The following EFCAB6 variants were observed in gnomAD, a reference collection of about 807,000 sequenced individuals.
EFCAB6 encodes the protein EF-hand calcium-binding domain-containing protein 6.
A neutral mutation model predicts 169.8 loss-of-function variants in EFCAB6; 156 were observed. The ratio of observed to expected loss-of-function variants is 0.92; its 90% CI spans 0.81 to 1.05. EFCAB6 has a LOEUF of 1.05. Ranked by LOEUF, EFCAB6 falls within the 50% of genes least tolerant of loss-of-function variation. EFCAB6 has a pLI of 0.00. For missense variants in EFCAB6, 1,800 were observed against 1,829.1 expected, an observed-to-expected ratio of 0.98 and a Z score of 0.29; for synonymous variants, 698 against 676.4, an observed-to-expected ratio of 1.03 and a Z score of -0.50.
chr22:43,529,846 C>T (rs1289171508), intron 31 of EFCAB6, among the ~76,000 whole-genome samples: 1 of 152,258 alleles, frequency 6.6e-6, no homozygotes, highest in Non-Finnish European at 1.5e-5. Context: ...TCACCTTAAG[C>T]TGCTATTTTC....
intron 12 of EFCAB6, among the ~76,000 whole-genome samples, 166 bp from the exon 13 acceptor site, chr22:43,678,329 C>CTGTGCGTG: frequency 6.9e-6 from 1 of 144,262 alleles, no homozygotes; most frequent in South Asian, 2.3e-4. Context: ...AACATGAGCA[C>CTGTGCGTG]TGTGTGTGTG....
intron 17 of EFCAB6, among the ~76,000 whole-genome samples, chr22:43,641,301 C>T (rs935038815): frequency 1.3e-5 from 2 of 152,084 alleles, no homozygotes; most frequent in Admixed American, 6.5e-5. Context: ...TCAGCTATGG[C>T]GAGGAAGGAG....
Position 43,795,424 on chromosome 22 carries a change from C to T in EFCAB6, c.-7-13099G>A, listed in dbSNP as rs777975461. On this transcript the variant is annotated intron_variant, in intron 2 of 31. Coordinates refer to ENST00000262726, the MANE Select transcript of EFCAB6 (RefSeq NM_022785.4). The surrounding 1 kb of genome is among the most constrained non-coding windows in gnomAD (Gnocchi z 4.2). Reference sequence around the variant, plus strand: ...TGGCATGTTCTAGACATCATGCCTACCAGTGCCCACTAGGCAGGAGAGGAG... The same window carrying T: ...TGGCATGTTCTAGACATCATGCCTATCAGTGCCCACTAGGCAGGAGAGGAG... Among the ~76,000 whole-genome samples the T allele has an allele frequency of 2.0e-5, 3 of 152,122 alleles. No homozygotes were observed. Among genetic ancestry groups the T allele is most frequent in the Admixed American group, 1.3e-4 (2 of 15,272 alleles).
At chr22:43,681,606 AT>A (rs902669022) in intron 12 of EFCAB6, among the ~76,000 whole-genome samples, 11 of 152,060 alleles carry the variant, frequency 7.2e-5, no homozygotes, top group Non-Finnish European at 2.9e-5. Flanking sequence ...TATGTATTTG[AT>A]TTTTTAAAAT....
rs189956102 is a variant in EFCAB6 at position 43,641,036 on chromosome 22, G to A, written c.1984-5820C>T. On this transcript the variant is annotated intron_variant, in intron 17 of 31. Transcript: ENST00000262726. Reference sequence around the variant, plus strand: ...TGTTTACTTCCATAGATAGTCCCTCGCACAGAACCTAACACATGGCAGGCA... The same window carrying A: ...TGTTTACTTCCATAGATAGTCCCTCACACAGAACCTAACACATGGCAGGCA... Among the ~76,000 whole-genome samples, 182 of 152,236 alleles carry A rather than the reference G, an allele frequency of 1.2e-3. 1 individual carries two copies. The highest frequency in any genetic ancestry group is 1.2e-3 in the Non-Finnish European group (84 of 68,024).
chr22:43,784,958 A>C (rs1240607363), intron 2 of EFCAB6, among the ~76,000 whole-genome samples: 1 of 152,078 alleles, frequency 6.6e-6, no homozygotes, highest in Non-Finnish European at 1.5e-5. Context: ...ATATTAAAAA[A>C]AGGAAGAGCA....
chr22:43,618,170 GAAAGAAAGAAAGAAAGAAA>G (rs2053845706), intron 20 of EFCAB6, among the ~76,000 whole-genome samples: 115 of 91,732 alleles, frequency 1.3e-3, no homozygotes, highest in Admixed American at 3.4e-3. Context: ...AGGAAGGAAA[GAAAGAAAGAAAGAAAGAAA>G]GAAAGAAAGA....
chr22:43,737,994 TCA>T (rs201097966), intron 6 of EFCAB6, among the ~76,000 whole-genome samples: 2,835 of 145,820 alleles, frequency 0.019, 88 homozygotes, highest in African/African-American at 0.068. Flanking sequence ...GCACATATAT[TCA>T]CACACACATG....
In EFCAB6 at chr22:43,576,505, GAAAAA is replaced by G. The variant is rs767811535; in HGVS notation, c.3229-22_3229-18del. 2.7e-6 allele frequency: 4 copies of G among 1,505,004 alleles called. No homozygotes were observed. The highest frequency in any genetic ancestry group is 2.8e-5 in the South Asian group (2 of 72,710). The allele number at this position is 1,505,004 out of a possible 1,614,324, so 93.2% of individuals were successfully genotyped here. On this transcript the variant is annotated intron_variant, in intron 25 of 31. Coordinates refer to ENST00000262726, the MANE Select transcript of EFCAB6 (RefSeq NM_022785.4). ...AGAAAATGCCTAAAAAGAAAGAAAA[GAAAAA>G]AAGATGGCAAATCCTGTCAAATGAA...
intron 30 of EFCAB6, among the ~76,000 whole-genome samples, chr22:43,533,050 G>A (rs999090289): frequency 6.6e-5 from 10 of 152,246 alleles, no homozygotes; most frequent in African/African-American, 2.4e-4. Flanking sequence ...CGCCATGATG[G>A]CACTGGGTGT....
chr22:43,553,386 C>G (rs2048498397), intron 27 of EFCAB6: 1 of 152,262 alleles, frequency 6.6e-6, no homozygotes, highest in Admixed American at 6.5e-5. Flanking sequence ...CATTTGAGAA[C>G]TAGAGAGGGC....
At chr22:43,570,755 C>A (rs890439640) in intron 26 of EFCAB6, among the ~76,000 whole-genome samples, 9 of 152,140 alleles carry the variant, frequency 5.9e-5, no homozygotes, top group Non-Finnish European at 1.3e-4. Context: ...CACATGGGAC[C>A]AACTCCTTGC....
rs147810060 is a variant in EFCAB6, at chr22:43,683,316, T to G, written c.1251+431A>C. On this transcript the variant is annotated intron_variant, in intron 12 of 31. Coordinates refer to ENST00000262726, the MANE Select transcript of EFCAB6 (RefSeq NM_022785.4). ...CTCTCTTTGTAGTACAATTAAAAAA[T>G]TAAGTAGGCTATTTTGGCACTAAGA... Among the ~76,000 whole-genome samples the G allele has an allele frequency of 1.2e-3, 176 of 152,274 alleles. 2 individuals carry two copies. The highest frequency in any genetic ancestry group is 2.1e-3 in the Admixed American group (32 of 15,292).
intron 7 of EFCAB6, 122 bp downstream of exon 7, chr22:43,735,735 G>GGTGT (rs201949853): frequency 5.3e-6 from 6 of 1,133,510 alleles, no homozygotes; most frequent in East Asian, 2.4e-5. Flanking sequence ...TGAGAAATAA[G>GGTGT]GTGTGTGTGT....
intron 15 of EFCAB6, 44 bp downstream of exon 15, chr22:43,671,929 G>T: frequency 6.2e-7 from 1 of 1,603,822 alleles, no homozygotes; most frequent in Non-Finnish European, 8.5e-7. Flanking sequence ...GAACAGGCCT[G>T]ATGAAAAACA....
chr22:43,643,027 G>A (rs964573804), intron 17 of EFCAB6, among the ~76,000 whole-genome samples: 1 of 152,176 alleles, frequency 6.6e-6, no homozygotes, highest in Non-Finnish European at 1.5e-5. Flanking sequence ...ACCAGGAACA[G>A]CATAGTGTCA....
intron 3 of EFCAB6, among the ~76,000 whole-genome samples, chr22:43,776,459 G>A (rs935816220): frequency 9.9e-5 from 15 of 152,174 alleles, no homozygotes; most frequent in African/African-American, 2.7e-4. Flanking sequence ...ACAGTGACAC[G>A]TGCAATGAAA....
At chr22:43,593,553 C>T (rs949850300) in intron 23 of EFCAB6, among the ~76,000 whole-genome samples, 7 of 152,174 alleles carry the variant, frequency 4.6e-5, no homozygotes, top group Non-Finnish European at 8.8e-5. Context: ...CAATCTTGCA[C>T]ATATTTTACT....
chr22:43,540,213 G>GGA lies in EFCAB6; in HGVS notation c.3791_3792dup (p.Pro1265SerfsTer19). 1 of 1,614,210 alleles carries GGA rather than the reference G, an allele frequency of 6.2e-7. No homozygotes were observed. The highest frequency in any genetic ancestry group is 8.5e-7 in the Non-Finnish European group (1 of 1,180,034). On this transcript the variant is annotated frameshift_variant, in exon 28 of 32. Coordinates refer to ENST00000262726, the MANE Select transcript of EFCAB6 (RefSeq NM_022785.4). LOFTEE classifies it high-confidence loss of function. ...GATCTGGTGCCTTCCGAGACGTCAG[G>GGA]GACACTGCTCCCTCTCTGGGCCACG...
Sources: allele counts gnomAD v4.1 joint callset (sites outside exome capture counted in the v4.1 genomes callset), GRCh38; gene constraint gnomAD v4.1.1; non-coding constraint Gnocchi (gnomAD v3.1); transcripts MANE v1.5; gene names NCBI Gene and HGNC (gene_info 2026-07-23, HGNC 2026-07-21).